FCRL5: variants seen among roughly 807,000 people sequenced by gnomAD.
FCRL5 encodes the protein Fc receptor like 5.
Under a neutral mutation model 92.1 loss-of-function variants are expected in FCRL5, and 79 were observed. The observed-to-expected ratio is 0.86, with a 90% CI of 0.72 to 1.03. FCRL5 has a LOEUF of 1.03. Among genes scored for constraint, FCRL5 ranks in the 50% least tolerant of loss-of-function variants. The pLI, the probability that FCRL5 is intolerant of heterozygous loss-of-function variation, is 0.00. For synonymous variants in FCRL5, 466 were observed against 469.3 expected (o/e 0.99, Z 0.09); for missense variants, 1,160 against 1,181.1 (o/e 0.98, Z 0.26).
rs972327227 is a variant in FCRL5 at position 157,515,423 on chromosome 1, T to A, written c.*252A>T. On this transcript the variant is annotated 3_prime_UTR_variant, in exon 17 of 17. Transcript: ENST00000361835. ...GAAGCCCACTAAGGAATCCAGGAGA[T>A]GTGCTGGGCCCTGGAGTGGGAGCAC... 13 of 594,700 alleles carry A rather than the reference T, an allele frequency of 2.2e-5. No individual in the cohort carries two copies. The African/African-American group carries it at 2.4e-4, about 11-fold the overall frequency. The allele number at this position is 594,700 out of a possible 1,614,324, so 36.8% of individuals were successfully genotyped here.
intron 8 of FCRL5, among the ~76,000 whole-genome samples, chr1:157,531,096 AT>A (rs1650676950): frequency 6.6e-6 from 1 of 152,242 alleles, no homozygotes; most frequent in African/African-American, 2.4e-5. Flanking sequence ...AGGTGTTAAC[AT>A]CCAGAATATA....
intron 1 of FCRL5, among the ~76,000 whole-genome samples, chr1:157,551,643 T>C (rs1651816327): frequency 1.3e-5 from 2 of 152,354 alleles, no homozygotes; most frequent in Admixed American, 6.5e-5. Context: ...CACCTGTGCA[T>C]AGATATTACT....
At chr1:157,532,866 T>C (rs1032571138) in intron 8 of FCRL5, 2 of 152,032 alleles carry the variant, frequency 1.3e-5, no homozygotes, top group Non-Finnish European at 2.9e-5. Context: ...TTTATATTCA[T>C]TTACATCTTG....
intron 10 of FCRL5, chr1:157,521,546 C>A: frequency 2.6e-6 from 1 of 377,714 alleles, no homozygotes; most frequent in Non-Finnish European, 4.7e-6. Context: ...TTCTCATCTT[C>A]ATTACTAATT....
chr1:157,544,947 C>A lies in FCRL5; in HGVS notation c.443G>T (p.Arg148Ile). ...NDNVLAFLNK[R>I]TDFHIPHACL... ...TGCATGAGGAATATGGAAGTCAGTTCTTTTATTAAGGAATGCCAGGACATT... is the reference window on the plus strand; with the variant it reads ...TGCATGAGGAATATGGAAGTCAGTTATTTTATTAAGGAATGCCAGGACATT... Residue 148 changes from arginine (R) to isoleucine (I), a missense_variant, in exon 4 of 17, where the codon AGA (arginine) becomes ATA (isoleucine). Transcript: ENST00000361835. 6.2e-7 allele frequency: 1 copy of A among 1,614,200 alleles called. No individual in the cohort carries two copies. Among genetic ancestry groups the A allele is most frequent in the African/African-American group, 1.3e-5 (1 of 75,042 alleles).
At chr1:157,534,075 T>G in intron 8 of FCRL5, 1 of 231,254 alleles carries the variant, frequency 4.3e-6, no homozygotes, top group Non-Finnish European at 8.6e-6. Context: ...ATAGTTTTTT[T>G]AAAATAATAC....
At chr1:157,517,698 T>C (rs1191433213) in intron 15 of FCRL5, among the ~76,000 whole-genome samples, 1 of 152,284 alleles carries the variant, frequency 6.6e-6, no homozygotes, top group East Asian at 1.9e-4. Context: ...CACAGAGCTG[T>C]AAGATGATAA....
chr1:157,542,654 C>A, intron 6 of FCRL5: 2 of 583,444 alleles, frequency 3.4e-6, no homozygotes, highest in East Asian at 2.8e-5. Context: ...CACCATCAGG[C>A]AGGGGTATAA....
intron 10 of FCRL5, chr1:157,522,068 A>G (rs1322579234): frequency 1.3e-5 from 2 of 152,252 alleles, no homozygotes; most frequent in Non-Finnish European, 2.9e-5. Flanking sequence ...TGCAACTGGC[A>G]TAACTATATG....
At chr1:157,518,251 G>A (rs1650016121) in intron 15 of FCRL5, among the ~76,000 whole-genome samples, 178 bp downstream of exon 15, 1 of 152,174 alleles carries the variant, frequency 6.6e-6, no homozygotes, top group Admixed American at 6.5e-5. Context: ...AGGGAAAGGA[G>A]AGTGCAGGGG....
intron 11 of FCRL5, 102 bp downstream of exon 11, chr1:157,520,915 G>C: frequency 1.5e-6 from 2 of 1,323,808 alleles, no homozygotes; most frequent in Non-Finnish European, 2.1e-6. Context: ...GTGTTACTTC[G>C]CCCTGAGGAG....
intron 8 of FCRL5, chr1:157,532,786 G>T (rs1650756829): frequency 6.6e-6 from 1 of 152,142 alleles, no homozygotes; most frequent in African/African-American, 2.4e-5. Flanking sequence ...TTTTACAAAG[G>T]TCTTTGACGA....
At chr1:157,520,809 G>A (rs1231362338) in intron 11 of FCRL5, among the ~76,000 whole-genome samples, 1 of 152,226 alleles carries the variant, frequency 6.6e-6, no homozygotes, top group African/African-American at 2.4e-5. Flanking sequence ...AGTCAGTGGC[G>A]CTCTTGCGCC....
At chr1:157,520,052 A>C (rs1373887751) in intron 12 of FCRL5, among the ~76,000 whole-genome samples, 4 of 152,210 alleles carry the variant, frequency 2.6e-5, no homozygotes, top group Non-Finnish European at 4.4e-5. Context: ...CAACTATAAA[A>C]ATAGTGTACA....
intron 2 of FCRL5, among the ~76,000 whole-genome samples, chr1:157,548,153 G>A (rs1651643961): frequency 6.6e-6 from 1 of 152,210 alleles, no homozygotes; most frequent in Admixed American, 6.5e-5. Context: ...GTAAATGCAG[G>A]GCTTAGCAAA....
In FCRL5 at chr1:157,527,775, T is replaced by A; in HGVS notation, c.1802A>T (p.Tyr601Phe). 6.2e-7 allele frequency: 1 copy of A among 1,614,100 alleles called. No homozygotes were observed. The highest frequency in any genetic ancestry group is 1.6e-4 in the Middle Eastern group (1 of 6,062). Residue 601 changes from tyrosine (Y) to phenylalanine (F), a missense_variant, in exon 9 of 17, where the codon TAT becomes TTT. Transcript: ENST00000361835. ...RGSPPILYWF[Y>F]HEDVTLGSSS... ...GCTCCCCAGGGTGACATCCTCATGA[T>A]AAAACCAGTACAGGATTGGGGGAGA...
chr1:157,536,588 C>G (rs1170891233), intron 7 of FCRL5, among the ~76,000 whole-genome samples: 2 of 152,256 alleles, frequency 1.3e-5, no homozygotes, highest in African/African-American at 4.8e-5. Flanking sequence ...GAATATGGCC[C>G]AAGCCCTTAC....
intron 15 of FCRL5, among the ~76,000 whole-genome samples, chr1:157,517,992 C>T (rs1400280803): frequency 6.6e-6 from 1 of 152,050 alleles, no homozygotes; most frequent in African/African-American, 2.4e-5. Flanking sequence ...GGAATAGGGC[C>T]CTCACTAAGA....
intron 7 of FCRL5, 78 bp from the exon 8 acceptor site, chr1:157,534,970 C>G: frequency 7.3e-7 from 1 of 1,361,350 alleles, no homozygotes; most frequent in African/African-American, 1.5e-5. Context: ...GTGCAGATGC[C>G]CAGTCTCCAG....
Sources: allele counts gnomAD v4.1 joint callset (sites outside exome capture counted in the v4.1 genomes callset), GRCh38; gene constraint gnomAD v4.1.1; transcripts MANE v1.5; gene names NCBI Gene and HGNC (gene_info 2026-07-23, HGNC 2026-07-21).